STX8: variants seen among roughly 807,000 people sequenced by gnomAD.
STX8 encodes the protein syntaxin-8.
In STX8, 23 loss-of-function variants were observed where a neutral mutation model predicts 37.5. The observed-to-expected ratio is 0.61, with a 90% CI of 0.44 to 0.87. The LOEUF (loss-of-function observed/expected upper bound fraction) is 0.87, where lower values mean the gene tolerates loss of function less well. Ranked by LOEUF, STX8 falls within the 40% of genes least tolerant of loss-of-function variation. The pLI, the probability that STX8 is intolerant of heterozygous loss-of-function variation, is 0.00. For missense variants in STX8, 313 were observed against 284.7 expected, an observed-to-expected ratio of 1.10 and a Z score of -0.71; for synonymous variants, 115 against 99.1, an observed-to-expected ratio of 1.16 and a Z score of -0.95.
intron 4 of STX8, among the ~76,000 whole-genome samples, chr17:9,517,013 A>G (rs2142517233): frequency 6.6e-6 from 1 of 152,326 alleles, no homozygotes; most frequent in South Asian, 2.1e-4. Flanking sequence ...GAGAAAGCAG[A>G]TATTCTTTTT....
intron 7 of STX8, among the ~76,000 whole-genome samples, chr17:9,278,641 G>C (rs1004703199): frequency 3.3e-5 from 5 of 152,142 alleles, no homozygotes; most frequent in African/African-American, 1.2e-4. Flanking sequence ...AGGGATTTAA[G>C]CTGACATATC....
intron 6 of STX8, among the ~76,000 whole-genome samples, chr17:9,471,746 T>A (rs1032873023): frequency 6.6e-6 from 1 of 152,156 alleles, no homozygotes; most frequent in Admixed American, 6.5e-5. Context: ...CAACTCATCG[T>A]TGGGGTAATT....
At chr17:9,463,698 G>A (rs1438017971) in intron 6 of STX8, among the ~76,000 whole-genome samples, 1 of 152,104 alleles carries the variant, frequency 6.6e-6, no homozygotes, top group East Asian at 1.9e-4. Context: ...ACCTGAGGTT[G>A]GGAGTTTGAG....
intron 5 of STX8, among the ~76,000 whole-genome samples, chr17:9,497,518 T>C (rs1904450451): frequency 6.6e-6 from 1 of 152,190 alleles, no homozygotes; most frequent in Admixed American, 6.5e-5. Context: ...GGATGGCATA[T>C]ACATGTGAAC....
In STX8 at chr17:9,349,127, G is replaced by A. The variant is rs560402364; in HGVS notation, c.643+29425C>T. Among the ~76,000 whole-genome samples the A allele has an allele frequency of 2.0e-5, 3 of 151,326 alleles. No individual in the cohort carries two copies. In the East Asian group the frequency reaches 5.9e-4, roughly 30 times the overall value. On this transcript the variant is annotated intron_variant, in intron 7 of 7. Transcript: ENST00000306357. Reference sequence around the variant, plus strand: ...CTGCCTCAGCCTCCCGAGTAGCTGGGATTATAGGCGTCCACTTCCATACCC... The same window carrying A: ...CTGCCTCAGCCTCCCGAGTAGCTGGAATTATAGGCGTCCACTTCCATACCC...
chr17:9,389,979 G>T (rs2142301706), intron 6 of STX8, among the ~76,000 whole-genome samples: 1 of 152,316 alleles, frequency 6.6e-6, no homozygotes, highest in Non-Finnish European at 1.5e-5. Context: ...TAAAGGAAAG[G>T]TAATGCTTTG....
At chr17:9,474,833 G>T (rs578175620) in intron 6 of STX8, among the ~76,000 whole-genome samples, 2 of 152,126 alleles carry the variant, frequency 1.3e-5, no homozygotes, top group African/African-American at 4.8e-5. Flanking sequence ...TTAGCTGGGC[G>T]TGGTGGTGCA....
intron 6 of STX8, among the ~76,000 whole-genome samples, chr17:9,452,729 G>A (rs920262971): frequency 2.0e-5 from 3 of 152,074 alleles, no homozygotes; most frequent in Admixed American, 6.5e-5. Context: ...ACACTGCCTT[G>A]GTTGTTGATG....
chr17:9,415,533 A>G (rs1467424509), intron 6 of STX8, among the ~76,000 whole-genome samples: 1 of 151,892 alleles, frequency 6.6e-6, no homozygotes, highest in Non-Finnish European at 1.5e-5. Flanking sequence ...GCACTTTGGG[A>G]GGCCGAGGCG....
intron 7 of STX8, among the ~76,000 whole-genome samples, chr17:9,340,649 A>ATTTTTTTTTTTT (rs66679333): frequency 1.1e-4 from 7 of 62,098 alleles, no homozygotes; most frequent in East Asian, 6.1e-4. Context: ...GTTGCACTTG[A>ATTTTTTTTTTTT]TTTTTTTTTT....
At chr17:9,566,426 C>T (rs1176300114) in intron 2 of STX8, among the ~76,000 whole-genome samples, 2 of 152,212 alleles carry the variant, frequency 1.3e-5, no homozygotes. Flanking sequence ...AACAGAAATA[C>T]TATTTGATTC....
intron 6 of STX8, 66 bp from the exon 7 acceptor site, chr17:9,378,719 TG>T: frequency 8.2e-7 from 1 of 1,220,584 alleles, no homozygotes; most frequent in Non-Finnish European, 1.2e-6. Context: ...GTATCACAGC[TG>T]TGGTTGTTCA....
intron 6 of STX8, among the ~76,000 whole-genome samples, chr17:9,423,945 G>C (rs1446773244): frequency 6.6e-6 from 1 of 152,152 alleles, no homozygotes; most frequent in Non-Finnish European, 1.5e-5. Flanking sequence ...TACTGCCACA[G>C]AGTTCAGTAT....
chr17:9,356,446 A>T (rs947349120), intron 7 of STX8, among the ~76,000 whole-genome samples: 13 of 152,208 alleles, frequency 8.5e-5, no homozygotes, highest in Admixed American at 8.5e-4. Context: ...AGTGGTGCCC[A>T]TGTAAGCTGC....
intron 7 of STX8, among the ~76,000 whole-genome samples, chr17:9,252,953 A>G (rs1191814404): frequency 6.6e-6 from 1 of 152,242 alleles, no homozygotes; most frequent in Middle Eastern, 3.2e-3. Flanking sequence ...TGGTCTGCAC[A>G]GCCTAAACCG....
chr17:9,393,573 T>C (rs898591932), intron 6 of STX8, among the ~76,000 whole-genome samples: 1 of 152,160 alleles, frequency 6.6e-6, no homozygotes, highest in African/African-American at 2.4e-5. Context: ...CTATAGGGTG[T>C]AAGGTTGATA....
intron 6 of STX8, among the ~76,000 whole-genome samples, chr17:9,427,588 A>G (rs1418425744): frequency 1.3e-5 from 2 of 152,130 alleles, no homozygotes; most frequent in Non-Finnish European, 2.9e-5. Flanking sequence ...ATACCTAGGG[A>G]GATGACTTGG....
Position 9,507,264 on chromosome 17 carries a change from CT to C in STX8, c.324-2103del, listed in dbSNP as rs1387610037. On this transcript the variant is annotated intron_variant, in intron 4 of 7. Transcript: ENST00000306357. This position sits in a 1 kb window ranked among gnomAD's most constrained non-coding sequence, Gnocchi z 4.0. ...TGAGAAACAACCCTGCAGGCTGCCC[CT>C]GGCAGACATACCCCCAGGCCAGCCA... is the stretch of plus-strand genomic sequence containing the variant. Among the ~76,000 whole-genome samples, 2 of 152,146 alleles carry C rather than the reference CT, an allele frequency of 1.3e-5. No homozygotes were observed. Among genetic ancestry groups the C allele is most frequent in the Non-Finnish European group, 1.5e-5 (1 of 68,026 alleles).
At chr17:9,283,493 C>CCA (rs780495473) in intron 7 of STX8, among the ~76,000 whole-genome samples, 20 of 152,064 alleles carry the variant, frequency 1.3e-4, no homozygotes, top group East Asian at 7.7e-4. Context: ...TGAGCCAAGA[C>CCA]CATGCCATTG....
Sources: allele counts gnomAD v4.1 joint callset (sites outside exome capture counted in the v4.1 genomes callset), GRCh38; gene constraint gnomAD v4.1.1; non-coding constraint Gnocchi (gnomAD v3.1); transcripts MANE v1.5; gene names NCBI Gene and HGNC (gene_info 2026-07-23, HGNC 2026-07-21).